Variants in RIT2 observed in about 807,000 individuals in gnomAD.
RIT2 encodes the protein Ras like without CAAX 2, also known as GTP-binding protein Rit2.
In RIT2, 24 loss-of-function variants were observed where a neutral mutation model predicts 23.7. The observed-to-expected ratio is 1.01, with a 90% CI of 0.73 to 1.43. The LOEUF (loss-of-function observed/expected upper bound fraction) is 1.43, where lower values mean the gene tolerates loss of function less well. RIT2 is among the 40% of genes most tolerant of loss of function. The pLI, the probability that RIT2 is intolerant of heterozygous loss-of-function variation, is 0.00. For missense variants in RIT2, 236 were observed against 266.9 expected (o/e 0.88, Z 0.81); for synonymous variants, 107 against 91.1 (o/e 1.17, Z -0.99).
chr18:42,983,162 CATAG>C (rs1343603470), intron 2 of RIT2, among the ~76,000 whole-genome samples: 8 of 152,108 alleles, frequency 5.3e-5, no homozygotes, highest in South Asian at 2.1e-4. Flanking sequence ...GATACAGACA[CATAG>C]ATAGATAGAA....
Position 42,856,827 on chromosome 18 carries a change from C to CTCT in RIT2, c.426+66744_426+66745insAGA, listed in dbSNP as rs764885020. 4.4e-5 allele frequency among the ~76,000 whole-genome samples: 5 copies of CTCT among 114,616 alleles called. No individual in the cohort carries two copies. In the East Asian group the frequency reaches 1.1e-3, roughly 25 times the overall value. The allele number at this position is 114,616 out of a possible 152,430, so 75.2% of individuals were successfully genotyped here. ...AAGTCTTTTTCTTTTCTCTCTCTCT[C>CTCT]TTTTTTTTTTTTTTTTTTTTGAGAC... On this transcript the variant is annotated intron_variant, in intron 4 of 4. Transcript: ENST00000326695.
At chr18:42,891,115 T>C (rs1908161055) in intron 4 of RIT2, among the ~76,000 whole-genome samples, 1 of 152,142 alleles carries the variant, frequency 6.6e-6, no homozygotes, top group Non-Finnish European at 1.5e-5. Context: ...AGCCTGTTTG[T>C]TGAAATCCAG....
chr18:43,106,627 C>G (rs1913829086), intron 1 of RIT2, among the ~76,000 whole-genome samples: 1 of 152,094 alleles, frequency 6.6e-6, no homozygotes, highest in African/African-American at 2.4e-5. Flanking sequence ...CCCCAGTCCC[C>G]CACTCCCCCT....
At chr18:42,767,677 T>C (rs1913456790) in intron 4 of RIT2, among the ~76,000 whole-genome samples, 2 of 152,166 alleles carry the variant, frequency 1.3e-5, no homozygotes, top group African/African-American at 4.8e-5. Flanking sequence ...GGTGGAATGA[T>C]GTGGTTTGGC....
chr18:43,049,222 CAATGACACAATAAGAACTACCGGG>C (rs1912320278), intron 1 of RIT2, among the ~76,000 whole-genome samples: 1 of 152,132 alleles, frequency 6.6e-6, no homozygotes, highest in South Asian at 2.1e-4. Context: ...CTTTCATAAA[CAATGACACAATAAGAACTACCGGG>C]AAGTTGTCCA....
rs150703734 is a variant in RIT2, at chr18:43,087,149, T to C, written c.103+28268A>G. 2.4e-3 allele frequency among the ~76,000 whole-genome samples: 365 copies of C among 151,874 alleles called. 2 individuals are homozygous for C. Among genetic ancestry groups the C allele is most frequent in the African/African-American group, 8.6e-3 (357 of 41,418 alleles). ...TGAGTCCCAGCTACATTCTGAGGTATGAGAATCACTTGAGCCTGGGAGGTG... is the reference window on the plus strand; with the variant it reads ...TGAGTCCCAGCTACATTCTGAGGTACGAGAATCACTTGAGCCTGGGAGGTG... On this transcript the variant is annotated intron_variant, in intron 1 of 4. Coordinates refer to ENST00000326695, the MANE Select transcript of RIT2 (RefSeq NM_002930.4).
At chr18:42,998,397 A>G (rs186367638) in intron 2 of RIT2, among the ~76,000 whole-genome samples, 1 of 152,218 alleles carries the variant, frequency 6.6e-6, no homozygotes, top group Admixed American at 6.5e-5. Flanking sequence ...AGTTTTGGCT[A>G]TTCTGTTTGT....
chr18:42,938,136 C>T lies in RIT2; in HGVS notation c.235-14373G>A, dbSNP rs376201490. ...AGAGTGGAAGAGTAAGTACATTTCA[C>T]TTGATTCAACAGATGTTTAAAATTG... On this transcript the variant is annotated intron_variant, in intron 3 of 4. Coordinates refer to ENST00000326695, the MANE Select transcript of RIT2 (RefSeq NM_002930.4). Among the ~76,000 whole-genome samples the T allele has an allele frequency of 9.6e-4, 146 of 152,224 alleles. 1 individual carries two copies. Among genetic ancestry groups the T allele is most frequent in the Middle Eastern group, 3.4e-3 (1 of 294 alleles).
Position 42,955,692 on chromosome 18 carries a change from G to A in RIT2, c.234+18382C>T, listed in dbSNP as rs143760859. Among the ~76,000 whole-genome samples, 179 of 152,208 alleles carry A rather than the reference G, an allele frequency of 1.2e-3. 1 individual carries two copies. Among genetic ancestry groups the A allele is most frequent in the Non-Finnish European group, 2.1e-3 (143 of 68,000 alleles). ...ACTCATGATGTTTTTAATTATAATT[G>A]TCCTTTTTATTGAGATTTAATTCAT... is the stretch of plus-strand genomic sequence containing the variant. On this transcript the variant is annotated intron_variant, in intron 3 of 4. Coordinates refer to ENST00000326695, the MANE Select transcript of RIT2 (RefSeq NM_002930.4).
chr18:43,110,552 C>A (rs746245191), intron 1 of RIT2, among the ~76,000 whole-genome samples: 1 of 152,178 alleles, frequency 6.6e-6, no homozygotes, highest in South Asian at 2.1e-4. Flanking sequence ...AACTTTAAAA[C>A]TGTAACCATG....
At chr18:43,031,807 T>C (rs1365314909) in intron 2 of RIT2, among the ~76,000 whole-genome samples, 1 of 151,990 alleles carries the variant, frequency 6.6e-6, no homozygotes, top group Non-Finnish European at 1.5e-5. Context: ...GATTGAAAAA[T>C]ATTTATTTCC....
Position 42,869,154 on chromosome 18 carries a change from G to A in RIT2, c.426+54418C>T, listed in dbSNP as rs1257179009. ...GGCACCAGTGACTGGTTTCATGGAA[G>A]ACAATTTTTCTGTGGATGGTGGTGG... is the stretch of plus-strand genomic sequence containing the variant. On this transcript the variant is annotated intron_variant, in intron 4 of 4. Transcript: ENST00000326695. Among the ~76,000 whole-genome samples the A allele has an allele frequency of 2.6e-5, 4 of 152,220 alleles. 1 individual carries two copies. The highest frequency in any genetic ancestry group is 9.6e-5 in the African/African-American group (4 of 41,464).
rs115572476 is a variant in RIT2, at chr18:43,037,943, G to A, written c.104-4076C>T. Among the ~76,000 whole-genome samples, 685 of 152,092 alleles carry A rather than the reference G, an allele frequency of 4.5e-3. 6 individuals carry two copies. The highest frequency in any genetic ancestry group is 0.016 in the African/African-American group (655 of 41,502). ...TTTCAGGCCGGACGCCGTGGCTCAT[G>A]CCTGTAATCCCAGTACTTTGAGAGG... On this transcript the variant is annotated intron_variant, in intron 1 of 4. Transcript: ENST00000326695.
chr18:43,024,877 G>A (rs992853551), intron 2 of RIT2, among the ~76,000 whole-genome samples: 2 of 151,874 alleles, frequency 1.3e-5, no homozygotes, highest in African/African-American at 4.8e-5. Flanking sequence ...TTAGAACAAT[G>A]AGAAATCATG....
At chr18:43,043,806 A>G (rs1370795245) in intron 1 of RIT2, among the ~76,000 whole-genome samples, 4 of 152,126 alleles carry the variant, frequency 2.6e-5, no homozygotes, top group Non-Finnish European at 1.5e-5. Flanking sequence ...TCTCAAACAA[A>G]CAAATAAATA....
At chr18:42,767,374 T>G (rs1342086439) in intron 4 of RIT2, among the ~76,000 whole-genome samples, 2 of 152,232 alleles carry the variant, frequency 1.3e-5, no homozygotes, top group African/African-American at 4.8e-5. Context: ...AAAATTTGAC[T>G]GCCCTGCTGG....
At position 42,748,687 on chromosome 18, in the gene RIT2, C is replaced by A. The variant is rs79291510; in HGVS notation, c.427-4967G>T. Among the ~76,000 whole-genome samples the A allele has an allele frequency of 1.3e-3, 192 of 151,786 alleles. No homozygotes were observed. The Middle Eastern group carries it at 0.014, about 11-fold the overall frequency. Reference sequence around the variant, plus strand: ...CACAAATGCAAAAACATGAAACCAGCGCAGAAAACAAGTGGGAGCTAAGAT... The same window carrying A: ...CACAAATGCAAAAACATGAAACCAGAGCAGAAAACAAGTGGGAGCTAAGAT... On this transcript the variant is annotated intron_variant, in intron 4 of 4. Coordinates refer to ENST00000326695, the MANE Select transcript of RIT2 (RefSeq NM_002930.4).
chr18:42,935,309 G>A (rs555459021), intron 3 of RIT2, among the ~76,000 whole-genome samples: 2 of 152,244 alleles, frequency 1.3e-5, no homozygotes, highest in South Asian at 4.1e-4. Context: ...TGTGCGGCAG[G>A]GTTGAATGAA....
chr18:42,867,425 C>T (rs1247119188), intron 4 of RIT2, among the ~76,000 whole-genome samples: 5 of 151,976 alleles, frequency 3.3e-5, no homozygotes, highest in Non-Finnish European at 7.4e-5. Flanking sequence ...AGAATCCAGT[C>T]GCAATATACT....
Sources: gnomAD v4.1 joint callset for allele counts (sites outside exome capture counted in the v4.1 genomes callset) on GRCh38, gnomAD v4.1.1 for gene constraint, MANE v1.5 for transcripts, NCBI Gene and HGNC (gene_info 2026-07-23, HGNC 2026-07-21) for gene names.